The following ZNF737 variants were observed in gnomAD, a reference collection of about 807,000 sequenced individuals.
ZNF737 encodes zinc finger protein 102 (Y3).
ZNF737 carries 13 observed loss-of-function variants against 11.7 expected under a neutral mutation model. The observed-to-expected ratio is 1.11, with a 90% CI of 0.73 to 1.77. ZNF737 has a LOEUF of 1.77. Ranked by LOEUF, ZNF737 falls within the 40% of genes most tolerant of loss-of-function variation. The pLI is 0.00. For missense variants in ZNF737, 636 were observed against 638.0 expected, an observed-to-expected ratio of 1.00 and a Z score of 0.03; for synonymous variants, 217 against 216.2, an observed-to-expected ratio of 1.00 and a Z score of -0.03.
rs1276802778 is a variant in ZNF737, at chr19:20,542,796, A to G, written c.*1796T>C. The G allele has an allele frequency of 4.8e-5, 47 of 985,364 alleles. No individual in the cohort carries two copies. The African/African-American group carries it at 5.9e-4, about 12-fold the overall frequency. 61.0% of individuals were successfully genotyped at this position (985,364 alleles called of 1,614,324 possible). A position where few individuals can be genotyped will look rare whatever the true frequency, so the allele number is the denominator to read the frequency against. ...TGTCCAAATAATGTAAAAAAATCGAATATCTCTGATGCAGAAGCCACTGAT... is the reference window on the plus strand; with the variant it reads ...TGTCCAAATAATGTAAAAAAATCGAGTATCTCTGATGCAGAAGCCACTGAT... On this transcript the variant is annotated 3_prime_UTR_variant, in exon 4 of 4. Transcript: ENST00000427401.
chr19:20,553,520 A>G (rs1555759367), intron 2 of ZNF737, among the ~76,000 whole-genome samples, 189 bp downstream of exon 2: 1 of 152,142 alleles, frequency 6.6e-6, no homozygotes, highest in Non-Finnish European at 1.5e-5. Flanking sequence ...TCAGCCTCCC[A>G]AAGTGCTGGG....
chr19:20,564,079 T>C (rs1375355754), intron 1 of ZNF737: 2 of 151,876 alleles, frequency 1.3e-5, no homozygotes, highest in Admixed American at 1.3e-4. Flanking sequence ...GGCAGGAGAA[T>C]TGCTTGAACC....
chr19:20,562,018 A>T (rs1453558740), intron 1 of ZNF737, among the ~76,000 whole-genome samples: 1 of 152,214 alleles, frequency 6.6e-6, no homozygotes, highest in Non-Finnish European at 1.5e-5. Context: ...AATATTTGTG[A>T]TTAATAAAAT....
intron 1 of ZNF737, among the ~76,000 whole-genome samples, chr19:20,563,001 C>A (rs1451798739): frequency 6.6e-6 from 1 of 151,166 alleles, no homozygotes; most frequent in Non-Finnish European, 1.5e-5. Flanking sequence ...AAGCCCTTTT[C>A]TGCTTACATC....
the ZNF737 span, among the ~76,000 whole-genome samples, chr19:20,530,359 G>T: frequency 1.4e-5 from 2 of 143,020 alleles, 1 homozygote; most frequent in Non-Finnish European, 3.1e-5. Flanking sequence ...CGGGCGGGGG[G>T]CTGACCCCCC....
At chr19:20,550,063 T>C (rs1968610272) in intron 3 of ZNF737, among the ~76,000 whole-genome samples, 2 of 152,152 alleles carry the variant, frequency 1.3e-5, no homozygotes, top group South Asian at 2.1e-4. Flanking sequence ...AGTATAATTA[T>C]AAATAGAAGA....
chr19:20,547,745 C>T (rs1555757388), intron 3 of ZNF737, among the ~76,000 whole-genome samples: 2 of 152,050 alleles, frequency 1.3e-5, no homozygotes, highest in Non-Finnish European at 1.5e-5. Flanking sequence ...TCAACTTACA[C>T]CCATTAGGTG....
chr19:20,562,522 CT>C (rs77611842), intron 1 of ZNF737, among the ~76,000 whole-genome samples: 13 of 146,418 alleles, frequency 8.9e-5, no homozygotes, highest in Admixed American at 1.4e-4. Context: ...TTTTCTTTTT[CT>C]TTTTTTTTTT....
chr19:20,540,754 A>G lies in ZNF737; in HGVS notation c.*3838T>C, dbSNP rs1216912715. 1 of 877,008 alleles carries G rather than the reference A, an allele frequency of 1.1e-6. No individual in the cohort carries two copies. The highest frequency in any genetic ancestry group is 1.4e-6 in the Non-Finnish European group (1 of 731,776). The allele number at this position is 877,008 out of a possible 1,614,324, so 54.3% of individuals were successfully genotyped here. A position where few individuals can be genotyped will look rare whatever the true frequency, so the allele number is the denominator to read the frequency against. On this transcript the variant is annotated 3_prime_UTR_variant, in exon 4 of 4. Transcript: ENST00000427401. ...AGCCTGGAAGACAGAGCAACACTCC[A>G]TCATGGAAAAAAAAAAAGAGTCTTT...
downstream of ZNF737, among the ~76,000 whole-genome samples, chr19:20,531,093 C>T (rs868946376): frequency 7.5e-5 from 11 of 146,414 alleles, no homozygotes; most frequent in East Asian, 2.1e-4. Context: ...TCAGGCGTGG[C>T]GGCGCGCGCC....
At chr19:20,547,780 T>C (rs1968510587) in intron 3 of ZNF737, among the ~76,000 whole-genome samples, 1 of 152,204 alleles carries the variant, frequency 6.6e-6, no homozygotes, top group Non-Finnish European at 1.5e-5. Flanking sequence ...CCCATGTTGA[T>C]TGCTGGTGGA....
intron 1 of ZNF737, among the ~76,000 whole-genome samples, chr19:20,562,517 TTTTTC>T (rs1305954722): frequency 1.3e-5 from 2 of 151,738 alleles, no homozygotes; most frequent in African/African-American, 2.4e-5. Context: ...CTGATTTTTC[TTTTTC>T]TTTTTTTTTT....
At chr19:20,534,959 A>G (rs1357509066), downstream of ZNF737, among the ~76,000 whole-genome samples, 1 of 150,306 alleles carries the variant, frequency 6.7e-6, no homozygotes, top group Non-Finnish European at 1.5e-5. Flanking sequence ...TTAATCAGCC[A>G]TAACAGTAAG....
At chr19:20,533,534 T>C (rs1293220077), downstream of ZNF737, among the ~76,000 whole-genome samples, 8 of 150,076 alleles carry the variant, frequency 5.3e-5, no homozygotes, top group Admixed American at 2.7e-4. Flanking sequence ...TTTTAAATTA[T>C]AGAGCGTATA....
intron 3 of ZNF737, among the ~76,000 whole-genome samples, chr19:20,549,050 C>T (rs547183225): frequency 4.9e-5 from 7 of 142,590 alleles, no homozygotes; most frequent in African/African-American, 1.8e-4. Context: ...AATATATATT[C>T]ATTGTTAAAC....
At chr19:20,558,215 C>T (rs1011795742) in intron 1 of ZNF737, among the ~76,000 whole-genome samples, 1 of 151,034 alleles carries the variant, frequency 6.6e-6, no homozygotes, top group Non-Finnish European at 1.5e-5. Flanking sequence ...ACCAGGGCAG[C>T]AGAGGGCAGC....
At position 20,543,374 on chromosome 19, in the gene ZNF737, G is replaced by T. The variant is rs1968298437; in HGVS notation, c.*1218C>A. The T allele has an allele frequency of 5.1e-6, 5 of 986,372 alleles. No homozygotes were observed. In the South Asian group the frequency reaches 1.9e-4, roughly 37 times the overall value. 61.1% of individuals were successfully genotyped at this position (986,372 alleles called of 1,614,324 possible). A position where few individuals can be genotyped will look rare whatever the true frequency, so the allele number is the denominator to read the frequency against. ...GTACTATGTAACTCCCTTTATATTT[G>T]TAATGCTTGTCTTCACAATAAATAC... is the stretch of plus-strand genomic sequence containing the variant. On this transcript the variant is annotated 3_prime_UTR_variant, in exon 4 of 4. Coordinates refer to ENST00000427401, the MANE Select transcript of ZNF737 (RefSeq NM_001159293.2).
chr19:20,560,393 A>G (rs1969046973), intron 1 of ZNF737, among the ~76,000 whole-genome samples: 1 of 149,974 alleles, frequency 6.7e-6, no homozygotes, highest in African/African-American at 2.5e-5. Flanking sequence ...AAAATATGGT[A>G]TATAAACCTC....
At chr19:20,547,253 C>T (rs189522965) in intron 3 of ZNF737, among the ~76,000 whole-genome samples, 66 of 151,846 alleles carry the variant, frequency 4.3e-4, no homozygotes, top group Admixed American at 1.2e-3. Flanking sequence ...TGGTAGCAGG[C>T]GCCTGTAGTC....
Sources: gnomAD v4.1 joint callset for allele counts (sites outside exome capture counted in the v4.1 genomes callset) on GRCh38, gnomAD v4.1.1 for gene constraint, MANE v1.5 for transcripts, NCBI Gene and HGNC (gene_info 2026-07-23, HGNC 2026-07-21) for gene names.